Variants in SSH2 observed in about 807,000 individuals in gnomAD.
The protein encoded by SSH2 is slingshot protein phosphatase 2.
A neutral mutation model predicts 135.2 loss-of-function variants in SSH2; 37 were observed. The observed-to-expected ratio is 0.27, with a 90% CI of 0.21 to 0.36. SSH2 has a LOEUF of 0.36. Ranked by LOEUF, SSH2 falls within the 10% of genes least tolerant of loss-of-function variation. The probability of loss-of-function intolerance (pLI) is 1.00; values close to 1 mark genes in which losing one functional copy is unlikely to be tolerated. For missense variants in SSH2, 1,408 were observed against 1,765.3 expected (o/e 0.80, Z 3.63); for synonymous variants, 628 against 646.2 (o/e 0.97, Z 0.43).
chr17:29,737,920 CTTATTTAT>C (rs57778245), intron 3 of SSH2, among the ~76,000 whole-genome samples: 2,259 of 150,704 alleles, frequency 0.015, 25 homozygotes, highest in African/African-American at 0.023. Flanking sequence ...GAGAAAGTCT[CTTATTTAT>C]TTATTTATTT....
chr17:29,704,159 C>T (rs1001517367), intron 3 of SSH2, among the ~76,000 whole-genome samples: 3 of 151,986 alleles, frequency 2.0e-5, no homozygotes, highest in Non-Finnish European at 4.4e-5. Context: ...GTTTCAATAC[C>T]GTCCTGATCA....
At chr17:29,799,404 T>G (rs944482614) in intron 2 of SSH2, among the ~76,000 whole-genome samples, 1 of 152,124 alleles carries the variant, frequency 6.6e-6, no homozygotes, top group Non-Finnish European at 1.5e-5. Flanking sequence ...CCAGAAAGAG[T>G]AAGAGTTTTA....
chr17:29,688,421 G>A (rs116538383), intron 5 of SSH2, among the ~76,000 whole-genome samples: 2,181 of 152,252 alleles, frequency 0.014, 67 homozygotes, highest in African/African-American at 0.05. Context: ...AAGGGCCCCA[G>A]ACATTTAATA....
intron 2 of SSH2, among the ~76,000 whole-genome samples, chr17:29,802,635 A>AG (rs1320146213): frequency 1.3e-5 from 2 of 151,084 alleles, no homozygotes; most frequent in African/African-American, 2.4e-5. Context: ...AAAAAAAAAA[A>AG]AAAGAAAAGA....
At chr17:29,729,260 T>A (rs983489042) in intron 3 of SSH2, among the ~76,000 whole-genome samples, 1 of 152,278 alleles carries the variant, frequency 6.6e-6, no homozygotes, top group South Asian at 2.1e-4. Flanking sequence ...AAAGATGACA[T>A]TGAAATGGCA....
intron 14 of SSH2, among the ~76,000 whole-genome samples, chr17:29,638,743 T>TG (rs1293919247): frequency 6.6e-6 from 1 of 151,972 alleles, no homozygotes; most frequent in Non-Finnish European, 1.5e-5. Context: ...TTTGTGGAGA[T>TG]GGGGGTCTCA....
In SSH2 at chr17:29,850,901, C is replaced by T. The variant is rs142656697; in HGVS notation, c.64-1972G>A. On this transcript the variant is annotated intron_variant, in intron 1 of 15. Transcript: ENST00000540801. ...TCGGGAGGTTGAGGCAGGAGAATGG[C>T]GTGAACCTGGGAGGTGGAGGTTGCA... Among the ~76,000 whole-genome samples, 349 of 152,200 alleles carry T rather than the reference C, an allele frequency of 2.3e-3. 2 individuals are homozygous for T. Among genetic ancestry groups the T allele is most frequent in the African/African-American group, 7.9e-3 (329 of 41,532 alleles).
chr17:29,881,443 T>G (rs1599135832), intron 1 of SSH2, among the ~76,000 whole-genome samples: 1 of 152,128 alleles, frequency 6.6e-6, no homozygotes, highest in Non-Finnish European at 1.5e-5. Context: ...CCTGTCTTTC[T>G]TTTGTTTGTT....
At chr17:29,731,261 A>G (rs2040181537) in intron 3 of SSH2, among the ~76,000 whole-genome samples, 1 of 152,126 alleles carries the variant, frequency 6.6e-6, no homozygotes, top group African/African-American at 2.4e-5. Context: ...TCCAGATTTC[A>G]TTTCCTCATA....
chr17:29,713,179 T>C (rs911710491), intron 3 of SSH2, among the ~76,000 whole-genome samples: 3 of 151,474 alleles, frequency 2.0e-5, no homozygotes, highest in Non-Finnish European at 2.9e-5. Flanking sequence ...ACTAAAAATA[T>C]AAAAAATTAG....
intron 1 of SSH2, among the ~76,000 whole-genome samples, chr17:29,872,761 C>T (rs571618678): frequency 4.6e-5 from 7 of 151,932 alleles, no homozygotes; most frequent in Non-Finnish European, 1.0e-4. Flanking sequence ...CTTTGGGAGG[C>T]GAGGCAGGTG....
At chr17:29,844,117 G>A (rs1182974421) in intron 2 of SSH2, among the ~76,000 whole-genome samples, 1 of 151,806 alleles carries the variant, frequency 6.6e-6, no homozygotes, top group East Asian at 1.9e-4. Flanking sequence ...CTTTCACTGG[G>A]CTATTCAAAC....
chr17:29,799,457 C>A (rs1336244310), intron 2 of SSH2, among the ~76,000 whole-genome samples: 2 of 152,266 alleles, frequency 1.3e-5, no homozygotes, highest in Non-Finnish European at 2.9e-5. Context: ...CAGATGTTTT[C>A]TATTTTTGCC....
At chr17:29,651,843 A>G (rs1334924899) in intron 12 of SSH2, among the ~76,000 whole-genome samples, 2 of 151,962 alleles carry the variant, frequency 1.3e-5, no homozygotes, top group Non-Finnish European at 2.9e-5. Context: ...TTTTTTATTT[A>G]ATTTAAAAAG....
At chr17:29,634,190 A>G (rs989688619) in intron 15 of SSH2, among the ~76,000 whole-genome samples, 2 of 152,252 alleles carry the variant, frequency 1.3e-5, no homozygotes, top group Non-Finnish European at 2.9e-5. Context: ...AAGCAGAGTC[A>G]AGAATCACAG....
intron 3 of SSH2, among the ~76,000 whole-genome samples, chr17:29,709,671 C>T (rs1313716743): frequency 1.3e-5 from 2 of 151,538 alleles, no homozygotes; most frequent in African/African-American, 4.8e-5. Flanking sequence ...AGCGAAACTC[C>T]ATTTCAAAAA....
intron 1 of SSH2, among the ~76,000 whole-genome samples, chr17:29,854,263 C>T (rs563662760): frequency 6.6e-6 from 1 of 152,002 alleles, no homozygotes; most frequent in East Asian, 1.9e-4. Flanking sequence ...GTATTAAGCA[C>T]TTTTCTGGGT....
At chr17:29,846,529 T>C (rs2043135957) in intron 2 of SSH2, among the ~76,000 whole-genome samples, 1 of 152,206 alleles carries the variant, frequency 6.6e-6, no homozygotes, top group Admixed American at 6.5e-5. Flanking sequence ...ATACTGATAA[T>C]AAGTGTTCAC....
rs1264572997 is a variant in SSH2, at chr17:29,630,281, A to G, written c.*560T>C. On this transcript the variant is annotated 3_prime_UTR_variant, in exon 16 of 16. Coordinates refer to ENST00000540801, the MANE Select transcript of SSH2 (RefSeq NM_001282129.2). ...GTAACGATACACTCTGGAACACCGG[A>G]AGACCCTCTTTTAAAGCAAAGCGGA... is the stretch of plus-strand genomic sequence containing the variant. 2 of 152,270 alleles carry G rather than the reference A, an allele frequency of 1.3e-5. No individual in the cohort carries two copies. The highest frequency in any genetic ancestry group is 2.9e-5 in the Non-Finnish European group (2 of 68,080). The allele number at this position is 152,270 out of a possible 1,614,324, so 9.4% of individuals were successfully genotyped here.
Sources: gnomAD v4.1 joint callset for allele counts (sites outside exome capture counted in the v4.1 genomes callset) on GRCh38, gnomAD v4.1.1 for gene constraint, MANE v1.5 for transcripts, NCBI Gene and HGNC (gene_info 2026-07-23, HGNC 2026-07-21) for gene names.